The following CAST variants were observed in gnomAD, a reference collection of about 807,000 sequenced individuals.
CAST encodes calpastatin, also known as MIR583 host.
A neutral mutation model predicts 119.6 loss-of-function variants in CAST; 76 were observed. That is an observed-to-expected ratio of 0.64 (90% CI 0.53 to 0.77). CAST has a LOEUF of 0.77. Among genes scored for constraint, CAST ranks in the 30% least tolerant of loss-of-function variants. The pLI, the probability that CAST is intolerant of heterozygous loss-of-function variation, is 0.00. For synonymous variants in CAST, 319 were observed against 331.6 expected (o/e 0.96, Z 0.41); for missense variants, 953 against 946.5 (o/e 1.01, Z -0.09).
rs533030772 is a variant in CAST, at chr5:96,668,455, C to A, written c.75+5958C>A. Among the ~76,000 whole-genome samples, 14 of 152,228 alleles carry A rather than the reference C, an allele frequency of 9.2e-5. No individual in the cohort carries two copies. The South Asian group carries it at 2.7e-3, about 29-fold the overall frequency. Reference sequence around the variant, plus strand: ...ATGTTTACAGCCTTAGAAAATGAAACCCTCAAACCTTAACTCACTGGCTTC... The same window carrying A: ...ATGTTTACAGCCTTAGAAAATGAAAACCTCAAACCTTAACTCACTGGCTTC... On this transcript the variant is annotated intron_variant, in intron 1 of 31. Transcript: ENST00000675179.
the CAST span, among the ~76,000 whole-genome samples, chr5:96,176,905 C>A: frequency 6.6e-6 from 1 of 152,168 alleles, no homozygotes; most frequent in Admixed American, 6.5e-5. Flanking sequence ...AAGCTTAGGA[C>A]TGCATCATCT....
chr5:96,535,574 T>G (rs1169596034), intron 1 of CAST, among the ~76,000 whole-genome samples: 2 of 138,010 alleles, frequency 1.4e-5, no homozygotes, highest in African/African-American at 2.7e-5. Flanking sequence ...ATTTTTTTTT[T>G]TTTTTTTTTT....
At chr5:96,702,831 G>C in intron 3 of CAST, 1 of 985,470 alleles carries the variant, frequency 1.0e-6, no homozygotes, top group East Asian at 1.1e-4. Context: ...AGCTCCAAGC[G>C]GAAACCGCGG....
the CAST span, among the ~76,000 whole-genome samples, chr5:95,966,350 T>C: frequency 1.3e-5 from 2 of 152,166 alleles, no homozygotes; most frequent in East Asian, 3.8e-4. Flanking sequence ...TTGCTGAAAC[T>C]GGCAGCCCTG....
At chr5:96,039,587 A>C in the CAST span, among the ~76,000 whole-genome samples, 7 of 152,164 alleles carry the variant, frequency 4.6e-5, no homozygotes, top group African/African-American at 1.7e-4. Flanking sequence ...AGTTTTTTGC[A>C]TATGGCTAGC....
chr5:96,299,533 C>T, the CAST span, among the ~76,000 whole-genome samples: 1 of 152,166 alleles, frequency 6.6e-6, no homozygotes, highest in Non-Finnish European at 1.5e-5. Flanking sequence ...TGCTCCCATG[C>T]TCCTGTTGAG....
At chr5:96,737,475 G>A (rs538809884) in intron 10 of CAST, among the ~76,000 whole-genome samples, 9 of 152,194 alleles carry the variant, frequency 5.9e-5, no homozygotes, top group East Asian at 1.9e-4. Context: ...TTCCCTTATC[G>A]CTTAGAGCAA....
At chr5:96,586,589 G>C (rs770633376) in intron 1 of CAST, among the ~76,000 whole-genome samples, 10 of 152,158 alleles carry the variant, frequency 6.6e-5, no homozygotes, top group Non-Finnish European at 1.5e-4. Context: ...TGATGAGAAA[G>C]TTAGCTCATC....
chr5:96,722,419 C>T (rs1421328939), intron 3 of CAST, among the ~76,000 whole-genome samples: 2 of 147,782 alleles, frequency 1.4e-5, no homozygotes, highest in African/African-American at 2.5e-5. Context: ...GTATCTTACC[C>T]GAGATTGTTT....
At chr5:96,655,034 A>G (rs1647328217) in intron 1 of CAST, among the ~76,000 whole-genome samples, 1 of 152,230 alleles carries the variant, frequency 6.6e-6, no homozygotes, top group South Asian at 2.1e-4. Flanking sequence ...CTTTAGCTCT[A>G]CAATGTACAT....
chr5:96,641,371 T>C (rs1373410757), intron 1 of CAST, among the ~76,000 whole-genome samples: 1 of 152,200 alleles, frequency 6.6e-6, no homozygotes, highest in Non-Finnish European at 1.5e-5. Flanking sequence ...AGCCATCTTC[T>C]GGTTCCTTGT....
intron 1 of CAST, among the ~76,000 whole-genome samples, chr5:96,581,043 T>C (rs1187892996): frequency 6.6e-6 from 1 of 152,248 alleles, no homozygotes; most frequent in Non-Finnish European, 1.5e-5. Flanking sequence ...TTTCCCAGCC[T>C]CTAGTACTGT....
At chr5:96,578,223 CA>C (rs1243256526) in intron 1 of CAST, among the ~76,000 whole-genome samples, 1 of 151,892 alleles carries the variant, frequency 6.6e-6, no homozygotes, top group Non-Finnish European at 1.5e-5. Context: ...TCTAATTTAT[CA>C]GATATAAATA....
the CAST span, among the ~76,000 whole-genome samples, chr5:96,217,560 G>A: frequency 3.4e-3 from 517 of 152,188 alleles, 1 homozygote; most frequent in Admixed American, 6.9e-3. Context: ...GGCAAATTAT[G>A]TGTTCCTGTA....
At chr5:96,595,939 G>A (rs191664846) in intron 1 of CAST, among the ~76,000 whole-genome samples, 17 of 152,238 alleles carry the variant, frequency 1.1e-4, no homozygotes, top group Admixed American at 8.5e-4. Context: ...AGACCTGGAT[G>A]TTCAAGGAAA....
At chr5:96,513,356 A>T in the CAST span, among the ~76,000 whole-genome samples, 1 of 152,228 alleles carries the variant, frequency 6.6e-6, no homozygotes, top group Non-Finnish European at 1.5e-5. Context: ...AAAAGCACAG[A>T]AGTTAAAATA....
intron 1 of CAST, among the ~76,000 whole-genome samples, chr5:96,670,178 G>A (rs1749879609): frequency 6.6e-6 from 1 of 152,094 alleles, no homozygotes; most frequent in Non-Finnish European, 1.5e-5. Context: ...CCCTGGACAT[G>A]CAAATACTAT....
chr5:96,143,033 G>A, the CAST span, among the ~76,000 whole-genome samples: 38,041 of 152,044 alleles, frequency 0.25, 5,825 homozygotes, highest in Non-Finnish European at 0.34. Flanking sequence ...ATCACTCCAC[G>A]TTACAATGTC....
At chr5:96,328,023 A>G in the CAST span, among the ~76,000 whole-genome samples, 1 of 152,208 alleles carries the variant, frequency 6.6e-6, no homozygotes. Flanking sequence ...CTCTACCAGC[A>G]ACTCAACTGG....
Sources: allele counts gnomAD v4.1 joint callset (sites outside exome capture counted in the v4.1 genomes callset), GRCh38; gene constraint gnomAD v4.1.1; transcripts MANE v1.5; gene names NCBI Gene and HGNC (gene_info 2026-07-23, HGNC 2026-07-21).